PCDHA12: variants seen among roughly 807,000 people sequenced by gnomAD.
The protein encoded by PCDHA12 is protocadherin alpha 12, also known as protocadherin alpha-12.
PCDHA12 carries 44 observed loss-of-function variants against 60.0 expected under a neutral mutation model. That is an observed-to-expected ratio of 0.73 (90% CI 0.58 to 0.94). The LOEUF (loss-of-function observed/expected upper bound fraction) is 0.94, where lower values mean the gene tolerates loss of function less well. Ranked by LOEUF, PCDHA12 falls within the 40% of genes least tolerant of loss-of-function variation. PCDHA12 has a pLI of 0.00. For synonymous variants in PCDHA12, 569 were observed against 553.0 expected, an observed-to-expected ratio of 1.03 and a Z score of -0.40; for missense variants, 1,276 against 1,239.7, an observed-to-expected ratio of 1.03 and a Z score of -0.44.
At chr5:140,956,142 T>C (rs1416783643) in intron 1 of PCDHA12, among the ~76,000 whole-genome samples, 1 of 152,194 alleles carries the variant, frequency 6.6e-6, no homozygotes, top group East Asian at 1.9e-4. Flanking sequence ...CCTTTATTTC[T>C]TTCTCTTTCC....
chr5:140,892,658 A>G (rs1202553509), intron 1 of PCDHA12, among the ~76,000 whole-genome samples: 4 of 152,202 alleles, frequency 2.6e-5, no homozygotes, highest in African/African-American at 9.7e-5. Context: ...ATACAGAGTG[A>G]CATTTTGATA....
At chr5:140,968,322 C>T (rs782755782) in intron 1 of PCDHA12, 9 of 1,614,122 alleles carry the variant, frequency 5.6e-6, no homozygotes, top group Non-Finnish European at 6.8e-6. Context: ...CTGCCAGTCA[C>T]CTCCTATGTC....
chr5:140,898,153 G>C (rs1379342887), intron 1 of PCDHA12, among the ~76,000 whole-genome samples: 3 of 152,182 alleles, frequency 2.0e-5, no homozygotes, highest in South Asian at 2.1e-4. Context: ...TGTTCACGCT[G>C]ATGGTGGTTT....
chr5:140,928,256 C>G (rs1192362928), intron 1 of PCDHA12: 19 of 1,614,116 alleles, frequency 1.2e-5, no homozygotes, highest in Non-Finnish European at 1.5e-5. Flanking sequence ...CTTTTCGTTG[C>G]TGAAAACAAT....
chr5:140,883,109 T>A (rs782237873), intron 1 of PCDHA12: 1 of 1,613,962 alleles, frequency 6.2e-7, no homozygotes, highest in Non-Finnish European at 8.5e-7. Context: ...AGTTTACTCA[T>A]TTAGAAGGCC....
At chr5:140,897,443 G>T (rs533610542) in intron 1 of PCDHA12, among the ~76,000 whole-genome samples, 75 of 150,100 alleles carry the variant, frequency 5.0e-4, no homozygotes, top group Middle Eastern at 3.5e-3. Flanking sequence ...GCAGTGTTTG[G>T]TTTTTTGTCC....
At chr5:140,891,838 A>G (rs1479578181) in intron 1 of PCDHA12, among the ~76,000 whole-genome samples, 1 of 152,164 alleles carries the variant, frequency 6.6e-6, no homozygotes, top group African/African-American at 2.4e-5. Context: ...AAAGGACTTG[A>G]TGGAAGGAGC....
intron 1 of PCDHA12, among the ~76,000 whole-genome samples, chr5:140,911,609 C>T (rs1554194830): frequency 6.6e-6 from 1 of 152,170 alleles, no homozygotes; most frequent in Non-Finnish European, 1.5e-5. Flanking sequence ...TCATTATGTT[C>T]CTTAGTTCCC....
chr5:140,877,409 G>C lies in PCDHA12; in HGVS notation c.1937G>C (p.Arg646Pro), dbSNP rs782157769. The C allele has an allele frequency of 8.1e-6, 13 of 1,613,802 alleles. No homozygotes were observed. The highest frequency in any genetic ancestry group is 1.0e-5 in the Non-Finnish European group (12 of 1,179,880). Reference sequence around the variant, plus strand: ...GATGAGGCGGACGCTCCGCGCCACCGCCTGCTGGTGCTGGTGAAGGACCAC... The same window carrying C: ...GATGAGGCGGACGCTCCGCGCCACCCCCTGCTGGTGCTGGTGAAGGACCAC... The part of the protein sequence containing the change: ...ILDEADAPRH[R>P]LLVLVKDHGE... Residue 646 changes from arginine to proline, a missense_variant, in exon 1 of 4, where the codon CGC becomes CCC. Transcript: ENST00000398631.
intron 1 of PCDHA12, among the ~76,000 whole-genome samples, chr5:140,945,682 G>GT (rs1325077083): frequency 6.6e-6 from 1 of 152,010 alleles, no homozygotes; most frequent in African/African-American, 2.4e-5. Context: ...AATCCACACA[G>GT]TTACTGTCCA....
At position 140,876,811 on chromosome 5, in the gene PCDHA12, G is replaced by A. The variant is rs2153346110; in HGVS notation, c.1339G>A (p.Asp447Asn). ...ATARVSVEVA[D>N]VNDNAPAFAQ... ...GGCTAGAGTGTCCGTGGAGGTGGCC[G>A]ACGTGAACGACAATGCGCCTGCGTT... The change falls in exon 1 of 4, where the codon GAC (aspartate) becomes AAC (asparagine). Residue 447 changes from aspartate to asparagine, a missense_variant. Coordinates refer to ENST00000398631, the MANE Select transcript of PCDHA12 (RefSeq NM_018903.4). 9.3e-6 allele frequency: 15 copies of A among 1,614,218 alleles called. No individual in the cohort carries two copies. The highest frequency in any genetic ancestry group is 1.3e-5 in the Non-Finnish European group (15 of 1,180,046).
At chr5:140,890,374 A>G (rs1045149611) in intron 1 of PCDHA12, among the ~76,000 whole-genome samples, 1 of 152,000 alleles carries the variant, frequency 6.6e-6, no homozygotes, top group South Asian at 2.1e-4. Context: ...CTGAACAAGT[A>G]CTCTTTCTTA....
Position 140,877,839 on chromosome 5 carries a change from A to G in PCDHA12, c.2367A>G (p.Glu789=), listed in dbSNP as rs2057367244. 12 of 1,582,068 alleles carry G rather than the reference A, an allele frequency of 7.6e-6. No homozygotes were observed. The highest frequency in any genetic ancestry group is 9.4e-6 in the Non-Finnish European group (11 of 1,167,612). Residue 789 remains glutamate (E), a splice_region_variant and synonymous_variant, in exon 1 of 4, where the codon GAA becomes GAG. Transcript: ENST00000398631. ...SREDCLNPPS[E]PRQPNPDWRY... ...AAGATTGTTTAAATCCTCCCAGTGA[A>G]GTAAGTTATTAATATTATTTAGATA...
At chr5:140,937,982 A>G (rs1227498616) in intron 1 of PCDHA12, among the ~76,000 whole-genome samples, 1 of 151,926 alleles carries the variant, frequency 6.6e-6, no homozygotes, top group Non-Finnish European at 1.5e-5. Flanking sequence ...TACTGATTTT[A>G]TGTTAACTTT....
chr5:140,990,205 G>T (rs2097380865), intron 3 of PCDHA12, among the ~76,000 whole-genome samples: 1 of 152,116 alleles, frequency 6.6e-6, no homozygotes, highest in Non-Finnish European at 1.5e-5. Context: ...ACCCGAAAGA[G>T]AACAAAGAGA....
chr5:140,948,158 A>C lies in PCDHA12; in HGVS notation c.2368-30791A>C, dbSNP rs191151506. On this transcript the variant is annotated intron_variant, in intron 1 of 3. Transcript: ENST00000398631. The stretch of plus-strand genomic sequence containing the variant: ...TAATTGATTTTTGAATGTTGGAAAA[A>C]ACCTTCCATTCCTAGGGTAAATCCC... Among the ~76,000 whole-genome samples the C allele has an allele frequency of 2.8e-3, 418 of 151,676 alleles. 1 individual carries two copies. The highest frequency in any genetic ancestry group is 0.014 in the Middle Eastern group (4 of 294).
chr5:140,938,599 C>T (rs1554212246), intron 1 of PCDHA12, among the ~76,000 whole-genome samples: 1 of 152,048 alleles, frequency 6.6e-6, no homozygotes, highest in African/African-American at 2.4e-5. Flanking sequence ...ATAAACCAAT[C>T]TTGCATTCTT....
At chr5:140,959,611 C>T (rs2095501064) in intron 1 of PCDHA12, among the ~76,000 whole-genome samples, 1 of 151,848 alleles carries the variant, frequency 6.6e-6, no homozygotes, top group Non-Finnish European at 1.5e-5. Context: ...GCTTTTCTTG[C>T]TTGTGATAGA....
At chr5:140,882,538 C>T (rs782086663) in intron 1 of PCDHA12, 2 of 1,614,170 alleles carry the variant, frequency 1.2e-6, no homozygotes, top group Non-Finnish European at 1.7e-6. Flanking sequence ...ATTCTCGGAT[C>T]GACCGCGAGG....
Sources: gnomAD v4.1 joint callset for allele counts (sites outside exome capture counted in the v4.1 genomes callset) on GRCh38, gnomAD v4.1.1 for gene constraint, MANE v1.5 for transcripts, NCBI Gene and HGNC (gene_info 2026-07-23, HGNC 2026-07-21) for gene names.